The following RBFOX1 variants were observed in gnomAD, a reference collection of about 807,000 sequenced individuals.
RBFOX1 encodes RNA binding fox-1 homolog 1.
RBFOX1 carries 8 observed loss-of-function variants against 57.7 expected under a neutral mutation model. That is an observed-to-expected ratio of 0.14 (90% confidence interval 0.08 to 0.25). The LOEUF is 0.25. Among genes scored for constraint, RBFOX1 ranks in the 10% least tolerant of loss-of-function variants. The pLI is 1.00. For missense variants in RBFOX1, 611 were observed against 548.5 expected, an observed-to-expected ratio of 1.11 and a Z score of -1.14; for synonymous variants, 326 against 222.4, an observed-to-expected ratio of 1.47 and a Z score of -4.15.
intron 4 of RBFOX1, among the ~76,000 whole-genome samples, chr16:7,455,417 A>C (rs1391229432): frequency 6.6e-6 from 1 of 152,204 alleles, no homozygotes; most frequent in Non-Finnish European, 1.5e-5. Context: ...GCAAGAATAT[A>C]ACAGCTCCCA....
In RBFOX1 at chr16:5,271,868, G is replaced by A. The variant is rs531141012; in HGVS notation, c.219+31763G>A. ...TGCAGTATTTGTCTTTCTGTGCCTG[G>A]CTTATTTCACTTAACACAGTGTCTT... On this transcript the variant is annotated intron_variant, in intron 1 of 2. Coordinates refer to the RBFOX1 transcript ENST00000585867. Among the ~76,000 whole-genome samples the A allele has an allele frequency of 2.6e-3, 393 of 152,196 alleles. 1 individual carries two copies. The highest frequency in any genetic ancestry group is 9.2e-3 in the African/African-American group (380 of 41,522).
At chr16:5,683,335 A>G (rs901093992) in intron 3 of RBFOX1, among the ~76,000 whole-genome samples, 4 of 152,018 alleles carry the variant, frequency 2.6e-5, no homozygotes, top group Admixed American at 1.3e-4. Context: ...GGTGAGAACC[A>G]CTGCTTTTGA....
At chr16:5,680,229 G>C (rs1307524030) in intron 3 of RBFOX1, among the ~76,000 whole-genome samples, 1 of 152,182 alleles carries the variant, frequency 6.6e-6, no homozygotes, top group Non-Finnish European at 1.5e-5. Flanking sequence ...CACGATTTGG[G>C]TGCAGTGTGG....
intron 3 of RBFOX1, among the ~76,000 whole-genome samples, chr16:6,996,941 T>C (rs2092304914): frequency 6.6e-6 from 1 of 152,176 alleles, no homozygotes; most frequent in African/African-American, 2.4e-5. Flanking sequence ...CTAGAGAATT[T>C]TTAATAAATT....
chr16:6,310,119 C>G (rs2080063828), intron 1 of RBFOX1, among the ~76,000 whole-genome samples: 1 of 152,186 alleles, frequency 6.6e-6, no homozygotes, highest in South Asian at 2.1e-4. Flanking sequence ...AACTTCTGAC[C>G]TCGTGATCCG....
intron 4 of RBFOX1, among the ~76,000 whole-genome samples, chr16:5,967,609 A>G (rs2059873204): frequency 6.6e-6 from 1 of 152,248 alleles, no homozygotes; most frequent in Non-Finnish European, 1.5e-5. Flanking sequence ...CCATGGGCTC[A>G]TACTGATACT....
At chr16:7,409,044 G>A (rs2098393383) in intron 4 of RBFOX1, among the ~76,000 whole-genome samples, 1 of 152,128 alleles carries the variant, frequency 6.6e-6, no homozygotes, top group Non-Finnish European at 1.5e-5. Context: ...ATGTCTAAAT[G>A]CACTGCAAAG....
Position 5,621,571 on chromosome 16 carries a change from A to C in RBFOX1, c.318+22610A>C, listed in dbSNP as rs141305998. Among the ~76,000 whole-genome samples, 1,342 of 152,314 alleles carry C rather than the reference A, an allele frequency of 8.8e-3. 10 individuals carry two copies. The highest frequency in any genetic ancestry group is 0.014 in the Non-Finnish European group (919 of 68,028). ...TTTACATAGAAGGTGGGATGTAGGC[A>C]TCAGCGGGATTCAGTGCTGACTTCC... On this transcript the variant is annotated intron_variant, in intron 3 of 19. Transcript: ENST00000641259.
intron 3 of RBFOX1, among the ~76,000 whole-genome samples, chr16:5,737,134 A>T (rs2151579540): frequency 6.6e-6 from 1 of 152,086 alleles, no homozygotes; most frequent in Non-Finnish European, 1.5e-5. Flanking sequence ...TTTCTGCTGG[A>T]TGCTTCATGT....
intron 4 of RBFOX1, among the ~76,000 whole-genome samples, chr16:7,330,527 G>GTGT (rs2096674914): frequency 7.2e-6 from 1 of 138,754 alleles, no homozygotes; most frequent in African/African-American, 2.7e-5. Flanking sequence ...TGTGTGTGTA[G>GTGT]AGAGAGAGAG....
intron 4 of RBFOX1, among the ~76,000 whole-genome samples, chr16:7,455,579 T>C (rs1361390925): frequency 6.6e-6 from 1 of 151,826 alleles, no homozygotes; most frequent in Admixed American, 6.6e-5. Flanking sequence ...ATTTCTTTAG[T>C]TCAAGAGTTC....
chr16:6,351,566 G>T (rs2086404145), intron 2 of RBFOX1, among the ~76,000 whole-genome samples: 1 of 151,532 alleles, frequency 6.6e-6, no homozygotes, highest in Non-Finnish European at 1.5e-5. Context: ...TAGAGACAGG[G>T]TTTCACTATT....
At chr16:7,033,757 C>T (rs879265012) in intron 3 of RBFOX1, among the ~76,000 whole-genome samples, 107 of 152,024 alleles carry the variant, frequency 7.0e-4, no homozygotes, top group African/African-American at 4.1e-4. Flanking sequence ...ACTTTGGGAG[C>T]GTGAGCTGGG....
chr16:5,978,274 A>G (rs991875246), intron 4 of RBFOX1, among the ~76,000 whole-genome samples: 1 of 151,508 alleles, frequency 6.6e-6, no homozygotes, highest in Non-Finnish European at 1.5e-5. Context: ...TGATCACACC[A>G]CTGCACTCCA....
intron 3 of RBFOX1, among the ~76,000 whole-genome samples, chr16:7,025,473 A>T (rs990849016): frequency 3.3e-5 from 5 of 152,120 alleles, no homozygotes; most frequent in African/African-American, 1.2e-4. Flanking sequence ...AATGCATCCT[A>T]GTAGGTCTCA....
At chr16:6,901,522 CTAGT>C (rs1289615003) in intron 3 of RBFOX1, among the ~76,000 whole-genome samples, 1 of 152,140 alleles carries the variant, frequency 6.6e-6, no homozygotes, top group Non-Finnish European at 1.5e-5. Flanking sequence ...AAGTTCATGT[CTAGT>C]TAAGCAAATC....
intron 3 of RBFOX1, among the ~76,000 whole-genome samples, chr16:7,029,046 CTATATATATATATATATATATATATA>C (rs1225538161): frequency 6.6e-5 from 3 of 45,210 alleles, no homozygotes; most frequent in African/African-American, 4.4e-4. Flanking sequence ...AAAAAAAAAG[CTATATATATATATATATATATATATA>C]TATATATATA....
At chr16:7,598,002 T>C (rs1022039689) in intron 9 of RBFOX1, among the ~76,000 whole-genome samples, 2 of 152,182 alleles carry the variant, frequency 1.3e-5, no homozygotes, top group Admixed American at 6.5e-5. Context: ...ACAGACCCCA[T>C]CAGGACAATG....
At chr16:6,672,267 GAAATATACATCCAATAT>G (rs1281860874) in intron 3 of RBFOX1, among the ~76,000 whole-genome samples, 2 of 152,006 alleles carry the variant, frequency 1.3e-5, no homozygotes, top group African/African-American at 2.4e-5. Context: ...GTCCATTGGA[GAAATATACATCCAATAT>G]AAATATACAT....
Sources: allele counts gnomAD v4.1 joint callset (sites outside exome capture counted in the v4.1 genomes callset), GRCh38; gene constraint gnomAD v4.1.1; transcripts MANE v1.5; gene names NCBI Gene and HGNC (gene_info 2026-07-23, HGNC 2026-07-21).